TMEM132D: variants seen among roughly 807,000 people sequenced by gnomAD.
TMEM132D encodes mature OL transmembrane protein.
In TMEM132D, 21 loss-of-function variants were observed where a neutral mutation model predicts 62.3. The ratio of observed to expected loss-of-function variants is 0.34; its 90% CI spans 0.24 to 0.49. The LOEUF (loss-of-function observed/expected upper bound fraction) is 0.49. Among genes scored for constraint, TMEM132D ranks in the 20% least tolerant of loss-of-function variants. The pLI is 0.99. For missense variants in TMEM132D, 1,346 were observed against 1,402.8 expected, an observed-to-expected ratio of 0.96 and a Z score of 0.65; for synonymous variants, 621 against 575.6, an observed-to-expected ratio of 1.08 and a Z score of -1.13.
intron 5 of TMEM132D, among the ~76,000 whole-genome samples, chr12:129,170,999 C>T (rs562150292): frequency 3.3e-5 from 5 of 152,072 alleles, no homozygotes; most frequent in East Asian, 1.9e-4. Context: ...CTGCATTGAT[C>T]GACTCTTCCT....
At chr12:129,678,946 T>C (rs916396303) in intron 2 of TMEM132D, among the ~76,000 whole-genome samples, 1 of 152,056 alleles carries the variant, frequency 6.6e-6, no homozygotes, top group African/African-American at 2.4e-5. Context: ...GGTCTGTTTT[T>C]GGGCTTTTTC....
chr12:129,798,180 C>G (rs1021259509), intron 1 of TMEM132D, among the ~76,000 whole-genome samples: 2 of 152,192 alleles, frequency 1.3e-5, no homozygotes, highest in Non-Finnish European at 2.9e-5. Flanking sequence ...CACCATGCTT[C>G]CTGTACAGCC....
chr12:129,230,019 T>C (rs998265342), intron 4 of TMEM132D, among the ~76,000 whole-genome samples: 7 of 152,258 alleles, frequency 4.6e-5, no homozygotes, highest in African/African-American at 1.7e-4. Flanking sequence ...ACATGTCTTC[T>C]GCCCACACTA....
chr12:129,210,252 C>G (rs978265507), intron 4 of TMEM132D: 4 of 153,144 alleles, frequency 2.6e-5, no homozygotes, highest in African/African-American at 9.6e-5. Flanking sequence ...AGCAGCACCG[C>G]ACCACCAGTG....
intron 2 of TMEM132D, among the ~76,000 whole-genome samples, chr12:129,640,633 A>T (rs1185153117): frequency 6.6e-6 from 1 of 152,170 alleles, no homozygotes; most frequent in East Asian, 1.9e-4. Flanking sequence ...TTCTGGTCAT[A>T]ACCTGCTATA....
chr12:129,101,984 GTTTT>G (rs774221783), intron 5 of TMEM132D, among the ~76,000 whole-genome samples: 1 of 126,950 alleles, frequency 7.9e-6, no homozygotes, highest in Non-Finnish European at 1.6e-5. Context: ...CAAAGCTGCT[GTTTT>G]TTTTTTTTTT....
In TMEM132D at chr12:129,827,944, C is replaced by T. The variant is rs1460004861; in HGVS notation, c.79+75317G>A. ...TGTTTGTTTATATTAATGTTAATAA[C>T]TTGCTAAGTAATGATAAATGTATGA... is the stretch of plus-strand genomic sequence containing the variant. On this transcript the variant is annotated intron_variant, in intron 1 of 8. Coordinates refer to ENST00000422113, the MANE Select transcript of TMEM132D (RefSeq NM_133448.3). The surrounding 1 kb of genome is among the most constrained non-coding windows in gnomAD (Gnocchi z 9.7). Among the ~76,000 whole-genome samples the T allele has an allele frequency of 2.0e-5, 3 of 152,108 alleles. No homozygotes were observed. The highest frequency in any genetic ancestry group is 4.4e-5 in the Non-Finnish European group (3 of 68,032).
intron 2 of TMEM132D, among the ~76,000 whole-genome samples, chr12:129,618,140 A>G (rs1878971568): frequency 1.3e-5 from 2 of 152,230 alleles, no homozygotes; most frequent in Non-Finnish European, 2.9e-5. Context: ...ACATAAGCCA[A>G]CGTGAAATGC....
At chr12:129,812,087 A>G (rs1195091684) in intron 1 of TMEM132D, among the ~76,000 whole-genome samples, 1 of 151,834 alleles carries the variant, frequency 6.6e-6, no homozygotes, top group Admixed American at 6.6e-5. Context: ...TTTGTTACAC[A>G]ACAATAGAAA....
chr12:129,711,932 G>C (rs7311686), intron 1 of TMEM132D, among the ~76,000 whole-genome samples: 50,877 of 151,220 alleles, frequency 0.34, 8,822 homozygotes, highest in South Asian at 0.4. Context: ...TGTGCTAAAA[G>C]TGAGAGAAGT....
At chr12:129,254,940 T>C (rs553065731) in intron 4 of TMEM132D, among the ~76,000 whole-genome samples, 14 of 152,170 alleles carry the variant, frequency 9.2e-5, no homozygotes, top group Non-Finnish European at 2.1e-4. Flanking sequence ...TCCCCAGAGT[T>C]GGAGGTAGAG....
At chr12:129,896,087 A>G (rs1875115130) in intron 1 of TMEM132D, among the ~76,000 whole-genome samples, 1 of 150,588 alleles carries the variant, frequency 6.6e-6, no homozygotes, top group African/African-American at 2.5e-5. Flanking sequence ...CTCCCACCTT[A>G]GCCTCCAGAG....
intron 2 of TMEM132D, among the ~76,000 whole-genome samples, chr12:129,688,865 C>T (rs1880994219): frequency 6.6e-6 from 1 of 152,170 alleles, no homozygotes. Flanking sequence ...GCAGAACCTT[C>T]CTCTATGCAA....
At chr12:129,542,131 A>G (rs1396299483) in intron 2 of TMEM132D, among the ~76,000 whole-genome samples, 2 of 152,208 alleles carry the variant, frequency 1.3e-5, no homozygotes, top group African/African-American at 4.8e-5. Context: ...CAAGCAGCTC[A>G]GGGGGCCTCC....
intron 2 of TMEM132D, among the ~76,000 whole-genome samples, chr12:129,601,301 G>A (rs1386195167): frequency 1.3e-5 from 2 of 152,158 alleles, no homozygotes; most frequent in African/African-American, 4.8e-5. Context: ...TCAGGATAAG[G>A]CTTTAGCTTA....
chr12:129,651,988 C>G (rs1037994902), intron 2 of TMEM132D, among the ~76,000 whole-genome samples: 2 of 152,004 alleles, frequency 1.3e-5, no homozygotes, highest in African/African-American at 2.4e-5. Context: ...ACCTTTAGTC[C>G]CAGGCAAAAA....
At chr12:129,569,061 G>A (rs1295853563) in intron 2 of TMEM132D, among the ~76,000 whole-genome samples, 4 of 152,120 alleles carry the variant, frequency 2.6e-5, no homozygotes, top group African/African-American at 7.2e-5. Context: ...TCCACACTTC[G>A]AGAGCCACTA....
intron 2 of TMEM132D, among the ~76,000 whole-genome samples, chr12:129,550,406 A>G (rs1331350655): frequency 1.3e-5 from 2 of 152,150 alleles, no homozygotes; most frequent in Non-Finnish European, 2.9e-5. Flanking sequence ...CCCCTCTGAA[A>G]TGGTTCTTTC....
intron 3 of TMEM132D, among the ~76,000 whole-genome samples, chr12:129,501,092 TCAAGA>T (rs745614390): frequency 8.5e-5 from 13 of 152,208 alleles, no homozygotes; most frequent in Non-Finnish European, 1.3e-4. Context: ...AATTGCAGCA[TCAAGA>T]CAAGATTTAT....
Sources: gnomAD v4.1 joint callset for allele counts (sites outside exome capture counted in the v4.1 genomes callset) on GRCh38, gnomAD v4.1.1 for gene constraint, Gnocchi (gnomAD v3.1) non-coding constraint, MANE v1.5 for transcripts, NCBI Gene and HGNC (gene_info 2026-07-23, HGNC 2026-07-21) for gene names.